The following GRIA4 variants were observed in gnomAD, a reference collection of about 807,000 sequenced individuals.
GRIA4 encodes the protein glutamate receptor 4.
GRIA4 carries 34 observed loss-of-function variants against 104.0 expected under a neutral mutation model. The observed-to-expected ratio is 0.33, with a 90% CI of 0.25 to 0.44. The LOEUF (loss-of-function observed/expected upper bound fraction) is 0.44. Among genes scored for constraint, GRIA4 ranks in the 20% least tolerant of loss-of-function variants. GRIA4 has a pLI of 1.00. For synonymous variants in GRIA4, 386 were observed against 381.9 expected, an observed-to-expected ratio of 1.01 and a Z score of -0.13; for missense variants, 750 against 1,096.5, an observed-to-expected ratio of 0.68 and a Z score of 4.46.
At chr11:105,810,852 G>T (rs1234796416) in intron 4 of GRIA4, among the ~76,000 whole-genome samples, 1 of 152,066 alleles carries the variant, frequency 6.6e-6, no homozygotes, top group African/African-American at 2.4e-5. Context: ...TAAGTTGTAG[G>T]TCGCCTTCTC....
chr11:105,794,526 C>T (rs182338380), intron 4 of GRIA4, among the ~76,000 whole-genome samples: 58 of 126,692 alleles, frequency 4.6e-4, no homozygotes, highest in African/African-American at 1.6e-3. Context: ...TATACACACA[C>T]ACACATATCT....
At chr11:105,751,622 C>T (rs549379013) in intron 3 of GRIA4, among the ~76,000 whole-genome samples, 1 of 152,124 alleles carries the variant, frequency 6.6e-6, no homozygotes, top group South Asian at 2.1e-4. Flanking sequence ...AATATAATAT[C>T]TATCAAAATA....
At chr11:105,642,559 A>T (rs1951401689) in intron 3 of GRIA4, among the ~76,000 whole-genome samples, 1 of 140,232 alleles carries the variant, frequency 7.1e-6, no homozygotes. Flanking sequence ...AAAAAAAAAA[A>T]AAAAGGCTGT....
At chr11:105,730,663 C>A (rs573257982) in intron 3 of GRIA4, among the ~76,000 whole-genome samples, 1 of 152,276 alleles carries the variant, frequency 6.6e-6, no homozygotes, top group African/African-American at 2.4e-5. Flanking sequence ...CAGCATGGTA[C>A]AGGTACCAAA....
At chr11:105,827,194 C>T (rs636726) in intron 4 of GRIA4, among the ~76,000 whole-genome samples, 1 of 151,808 alleles carries the variant, frequency 6.6e-6, no homozygotes, top group Admixed American at 6.6e-5. Flanking sequence ...ATGATTTCCA[C>T]GCTTGGGTAA....
intron 3 of GRIA4, among the ~76,000 whole-genome samples, chr11:105,637,570 C>T (rs1019512044): frequency 3.3e-5 from 5 of 152,020 alleles, no homozygotes; most frequent in African/African-American, 9.7e-5. Flanking sequence ...CATGAAGTTT[C>T]GAGTGTAGTA....
intron 10 of GRIA4, among the ~76,000 whole-genome samples, chr11:105,918,404 A>G (rs1947468950): frequency 6.6e-6 from 1 of 152,114 alleles, no homozygotes; most frequent in Non-Finnish European, 1.5e-5. Context: ...CAAAGAATAT[A>G]ATTTATGCTT....
intron 3 of GRIA4, among the ~76,000 whole-genome samples, chr11:105,628,742 T>C (rs1215390135): frequency 1.3e-5 from 2 of 152,322 alleles, no homozygotes; most frequent in African/African-American, 2.4e-5. Flanking sequence ...TTTTATTCTT[T>C]ATTTCACAAA....
At chr11:105,642,963 A>G (rs1024533944) in intron 3 of GRIA4, among the ~76,000 whole-genome samples, 2 of 152,146 alleles carry the variant, frequency 1.3e-5, no homozygotes, top group African/African-American at 4.8e-5. Flanking sequence ...TCATGGCAAA[A>G]GGAAAGCAAA....
At chr11:105,860,269 G>C (rs1377836914) in intron 4 of GRIA4, among the ~76,000 whole-genome samples, 2 of 152,020 alleles carry the variant, frequency 1.3e-5, no homozygotes, top group Non-Finnish European at 2.9e-5. Context: ...TCTTAACTGA[G>C]CATCAGTAAT....
intron 5 of GRIA4, among the ~76,000 whole-genome samples, chr11:105,865,190 T>C (rs1225623209): frequency 6.6e-6 from 1 of 152,184 alleles, no homozygotes; most frequent in African/African-American, 2.4e-5. Flanking sequence ...AAAATATGGT[T>C]TAATGTACAC....
intron 4 of GRIA4, among the ~76,000 whole-genome samples, chr11:105,815,520 G>A (rs1415519112): frequency 6.6e-6 from 1 of 152,022 alleles, no homozygotes; most frequent in African/African-American, 2.4e-5. Context: ...TCATGTGTTG[G>A]GTCACCTTCA....
intron 4 of GRIA4, among the ~76,000 whole-genome samples, chr11:105,817,071 G>A (rs560231293): frequency 4.6e-5 from 7 of 152,008 alleles, no homozygotes; most frequent in African/African-American, 1.4e-4. Context: ...CAACTGCTGG[G>A]GTTTGAATCC....
intron 3 of GRIA4, among the ~76,000 whole-genome samples, chr11:105,627,785 C>T (rs1363367769): frequency 6.6e-6 from 1 of 152,112 alleles, no homozygotes; most frequent in African/African-American, 2.4e-5. Flanking sequence ...AAAACTTAAG[C>T]ACCTTCTATA....
intron 14 of GRIA4, among the ~76,000 whole-genome samples, chr11:105,965,563 G>A (rs1565370139): frequency 6.6e-6 from 1 of 151,454 alleles, no homozygotes; most frequent in Non-Finnish European, 1.5e-5. Flanking sequence ...TTTCCTTGTG[G>A]GAATGAATTT....
chr11:105,703,730 A>G (rs764737476), intron 3 of GRIA4, among the ~76,000 whole-genome samples: 3 of 152,102 alleles, frequency 2.0e-5, no homozygotes, highest in African/African-American at 4.8e-5. Flanking sequence ...CTATGATTTT[A>G]TTTTTAATTT....
chr11:105,634,515 AG>A lies in GRIA4; in HGVS notation c.247+22082del, dbSNP rs201681842. ...AAAGAAAGAAAGAAAGAAAGAAAGA[AG>A]AAAGAAAGAAAGAAAAGAAAGAAAA... On this transcript the variant is annotated intron_variant, in intron 3 of 16. Coordinates refer to ENST00000282499, the MANE Select transcript of GRIA4 (RefSeq NM_000829.4). 1.1e-4 allele frequency among the ~76,000 whole-genome samples: 5 copies of A among 46,774 alleles called. No individual in the cohort carries two copies. The East Asian group carries it at 2.7e-3, about 25-fold the overall frequency. 30.7% of individuals were successfully genotyped at this position (46,774 alleles called of 152,430 possible).
intron 3 of GRIA4, among the ~76,000 whole-genome samples, chr11:105,673,128 G>A (rs1365827432): frequency 6.6e-6 from 1 of 151,976 alleles, no homozygotes; most frequent in East Asian, 1.9e-4. Flanking sequence ...CAGTCTCACT[G>A]CATGCTACTT....
intron 3 of GRIA4, among the ~76,000 whole-genome samples, chr11:105,669,691 C>T (rs1222304440): frequency 6.6e-6 from 1 of 152,094 alleles, no homozygotes; most frequent in Non-Finnish European, 1.5e-5. Context: ...ATAAATTCTC[C>T]TCTATATCTC....
Sources: gnomAD v4.1 joint callset for allele counts (sites outside exome capture counted in the v4.1 genomes callset) on GRCh38, gnomAD v4.1.1 for gene constraint, MANE v1.5 for transcripts, NCBI Gene and HGNC (gene_info 2026-07-23, HGNC 2026-07-21) for gene names.